Variants in DLC1 observed in about 807,000 individuals in gnomAD.
The protein encoded by DLC1 is DLC1 Rho GTPase activating protein.
Under a neutral mutation model 140.3 loss-of-function variants are expected in DLC1, and 54 were observed. That is an observed-to-expected ratio of 0.38 (90% CI 0.31 to 0.48). DLC1 has a LOEUF of 0.48. Ranked by LOEUF, DLC1 falls within the 20% of genes least tolerant of loss-of-function variation. The pLI is 0.96. For synonymous variants in DLC1, 986 were observed against 728.1 expected (o/e 1.35, Z -5.70); for missense variants, 2,536 against 1,907.0 (o/e 1.33, Z -6.14).
intron 2 of DLC1, among the ~76,000 whole-genome samples, chr8:13,429,668 G>A (rs1011866263): frequency 1.3e-5 from 2 of 152,128 alleles, no homozygotes; most frequent in African/African-American, 2.4e-5. Context: ...TACTCAGTAA[G>A]TATATTTTTA....
intron 9 of DLC1, among the ~76,000 whole-genome samples, chr8:13,099,115 T>C (rs866947085): frequency 3.7e-4 from 56 of 149,772 alleles, no homozygotes; most frequent in Admixed American, 1.9e-3. Flanking sequence ...TGTGTGACCA[T>C]CTCTGCCAAC....
intron 2 of DLC1, among the ~76,000 whole-genome samples, chr8:13,455,636 C>T (rs1261270469): frequency 6.6e-6 from 1 of 152,192 alleles, no homozygotes. Context: ...TCTCTGGCCA[C>T]CCTGTGCCTA....
At chr8:13,383,949 G>A (rs1420845897) in intron 4 of DLC1, among the ~76,000 whole-genome samples, 1 of 152,150 alleles carries the variant, frequency 6.6e-6, no homozygotes, top group African/African-American at 2.4e-5. Context: ...GACATGCGTG[G>A]AACTGTGAGA....
intron 3 of DLC1, among the ~76,000 whole-genome samples, chr8:13,401,172 C>T (rs939187922): frequency 6.6e-6 from 1 of 152,156 alleles, no homozygotes; most frequent in Non-Finnish European, 1.5e-5. Context: ...TCAGAGAAGA[C>T]TGACAATTAA....
At chr8:13,236,976 C>T (rs753984682) in intron 5 of DLC1, among the ~76,000 whole-genome samples, 36 of 152,074 alleles carry the variant, frequency 2.4e-4, no homozygotes, top group Non-Finnish European at 5.0e-4. Flanking sequence ...TGAACCTTTT[C>T]AGATTACAAA....
chr8:13,159,317 G>A (rs994936198), intron 5 of DLC1, among the ~76,000 whole-genome samples: 4 of 152,180 alleles, frequency 2.6e-5, no homozygotes, highest in African/African-American at 9.6e-5. Flanking sequence ...CGGGCATTTC[G>A]TAAAATTGCC....
intron 1 of DLC1, among the ~76,000 whole-genome samples, chr8:13,538,511 G>A (rs887872219): frequency 6.6e-6 from 1 of 152,018 alleles, no homozygotes; most frequent in Non-Finnish European, 1.5e-5. Context: ...GTCTCCTCTT[G>A]TTCTGTGTGG....
chr8:13,501,481 A>G (rs1455916234), intron 1 of DLC1, among the ~76,000 whole-genome samples: 1 of 152,218 alleles, frequency 6.6e-6, no homozygotes, highest in Non-Finnish European at 1.5e-5. Flanking sequence ...TCAGCACACA[A>G]CATGGGTTGA....
chr8:13,314,739 A>G (rs920594962), intron 4 of DLC1, among the ~76,000 whole-genome samples: 1 of 152,206 alleles, frequency 6.6e-6, no homozygotes, highest in Admixed American at 6.5e-5. Flanking sequence ...AAGAATACAG[A>G]TTAAAACTAC....
chr8:13,530,895 A>G (rs551919975), intron 1 of DLC1, among the ~76,000 whole-genome samples: 22 of 152,226 alleles, frequency 1.4e-4, no homozygotes, highest in Non-Finnish European at 2.8e-4. Context: ...ACCATTTGCT[A>G]TGAGCTAAAT....
chr8:13,261,241 C>T (rs897076265), intron 5 of DLC1, among the ~76,000 whole-genome samples: 3 of 152,088 alleles, frequency 2.0e-5, no homozygotes, highest in Non-Finnish European at 4.4e-5. Flanking sequence ...AACATTTCAG[C>T]AGAGACCTGG....
At chr8:13,199,470 T>A (rs949863735) in intron 5 of DLC1, among the ~76,000 whole-genome samples, 4 of 152,122 alleles carry the variant, frequency 2.6e-5, no homozygotes, top group Non-Finnish European at 5.9e-5. Flanking sequence ...CTTGAGCCAC[T>A]GGGCCCCGCG....
At chr8:13,315,658 T>A (rs1335336276) in intron 4 of DLC1, among the ~76,000 whole-genome samples, 1 of 152,216 alleles carries the variant, frequency 6.6e-6, no homozygotes, top group Non-Finnish European at 1.5e-5. Flanking sequence ...ATTGATGACC[T>A]AAGTCCCCGT....
chr8:13,245,333 C>G (rs1377514582), intron 5 of DLC1, among the ~76,000 whole-genome samples: 2 of 152,198 alleles, frequency 1.3e-5, no homozygotes, highest in East Asian at 3.9e-4. Context: ...ACTCTCCTGG[C>G]CAATATCCCG....
intron 4 of DLC1, among the ~76,000 whole-genome samples, chr8:13,327,779 C>T (rs189099264): frequency 1.3e-5 from 2 of 152,322 alleles, no homozygotes; most frequent in East Asian, 3.9e-4. Context: ...AAGCTCACAG[C>T]ATAGTGGGGG....
intron 1 of DLC1, among the ~76,000 whole-genome samples, chr8:13,559,625 A>C (rs1024731773): frequency 2.6e-5 from 4 of 152,236 alleles, no homozygotes; most frequent in Admixed American, 2.0e-4. Context: ...AAATTACAAT[A>C]AAATGCTTTG....
At chr8:13,226,203 T>C (rs974710113) in intron 5 of DLC1, among the ~76,000 whole-genome samples, 2 of 152,226 alleles carry the variant, frequency 1.3e-5, no homozygotes, top group African/African-American at 4.8e-5. Context: ...AATGAGCCAC[T>C]ATGCCCAGCC....
intron 5 of DLC1, among the ~76,000 whole-genome samples, chr8:13,245,432 G>C (rs770369852): frequency 2.0e-5 from 3 of 152,218 alleles, no homozygotes; most frequent in Non-Finnish European, 4.4e-5. Context: ...TACACCACTA[G>C]GTTTTGAGGT....
intron 1 of DLC1, chr8:13,566,975 G>C (rs1429012885): frequency 1.3e-6 from 2 of 1,529,864 alleles, no homozygotes; most frequent in Non-Finnish European, 8.8e-7. Context: ...ATGAGGAGCC[G>C]AGCCTGATGC....
Sources: allele counts gnomAD v4.1 joint callset (sites outside exome capture counted in the v4.1 genomes callset), GRCh38; gene constraint gnomAD v4.1.1; transcripts MANE v1.5; gene names NCBI Gene and HGNC (gene_info 2026-07-23, HGNC 2026-07-21).